The following DPYD variants were observed in gnomAD, a reference collection of about 807,000 sequenced individuals.
DPYD encodes the protein dihydropyrimidine dehydrogenase, also known as dihydropyrimidine dehydrogenase [NADP(+)].
Under a neutral mutation model 116.2 loss-of-function variants are expected in DPYD, and 109 were observed. The ratio of observed to expected loss-of-function variants is 0.94; its 90% CI spans 0.80 to 1.10. The LOEUF (loss-of-function observed/expected upper bound fraction) is 1.10. Among genes scored for constraint, DPYD ranks in the 50% least tolerant of loss-of-function variants. The probability of loss-of-function intolerance (pLI) is 0.00; values close to 1 mark genes in which losing one functional copy is unlikely to be tolerated. For missense variants in DPYD, 1,302 were observed against 1,254.5 expected (o/e 1.04, Z -0.57); for synonymous variants, 440 against 432.0 (o/e 1.02, Z -0.23).
intron 13 of DPYD, among the ~76,000 whole-genome samples, chr1:97,508,534 C>T (rs1478124863): frequency 6.6e-6 from 1 of 151,912 alleles, no homozygotes; most frequent in African/African-American, 2.4e-5. Flanking sequence ...TTTTATTTCT[C>T]AATAGAAAGA....
chr1:97,280,554 A>T (rs1398827993), intron 18 of DPYD, among the ~76,000 whole-genome samples: 1 of 152,242 alleles, frequency 6.6e-6, no homozygotes, highest in Admixed American at 6.5e-5. Context: ...AATACTATTC[A>T]GCCATAAAAC....
intron 20 of DPYD, among the ~76,000 whole-genome samples, chr1:97,187,533 T>C (rs1557922638): frequency 6.6e-6 from 1 of 152,168 alleles, no homozygotes; most frequent in Non-Finnish European, 1.5e-5. Flanking sequence ...AGGCCTTCTG[T>C]TATCTCGATT....
intron 20 of DPYD, among the ~76,000 whole-genome samples, chr1:97,157,203 A>G (rs1488954535): frequency 6.6e-6 from 1 of 151,864 alleles, no homozygotes; most frequent in East Asian, 1.9e-4. Context: ...CCAGCATGGC[A>G]CATGTATACA....
At chr1:97,125,130 G>C (rs1427417416) in intron 20 of DPYD, among the ~76,000 whole-genome samples, 1 of 152,212 alleles carries the variant, frequency 6.6e-6, no homozygotes, top group African/African-American at 2.4e-5. Context: ...CTTTTGGGAA[G>C]TTATCAGTGG....
chr1:97,184,916 A>G (rs1657891393), intron 20 of DPYD, among the ~76,000 whole-genome samples: 1 of 152,154 alleles, frequency 6.6e-6, no homozygotes, highest in African/African-American at 2.4e-5. Context: ...CTTCCAGTAC[A>G]ATATTGAATA....
At chr1:97,780,862 C>T (rs969000695) in intron 3 of DPYD, among the ~76,000 whole-genome samples, 1 of 152,112 alleles carries the variant, frequency 6.6e-6, no homozygotes, top group African/African-American at 2.4e-5. Context: ...ACTAAAGATG[C>T]TTGATACTAT....
intron 20 of DPYD, among the ~76,000 whole-genome samples, chr1:97,178,630 G>T (rs1657451530): frequency 6.6e-6 from 1 of 152,088 alleles, no homozygotes; most frequent in Non-Finnish European, 1.5e-5. Context: ...TTCAAGATGA[G>T]ATTTGGGTGG....
Position 97,385,280 on chromosome 1 carries a change from C to CAA in DPYD, c.1906-2821_1906-2820dup, listed in dbSNP as rs567156406. ...TACCTCTTGGTGTAGGCATTCCTTG[C>CAA]AAAAAAAAAAAAAAAAAAAAAAAAA... On this transcript the variant is annotated intron_variant, in intron 14 of 22. Coordinates refer to ENST00000370192, the MANE Select transcript of DPYD (RefSeq NM_000110.4). Among the ~76,000 whole-genome samples, 8 of 48,938 alleles carry CAA rather than the reference C, an allele frequency of 1.6e-4. 1 individual carries two copies. The highest frequency in any genetic ancestry group is 7.6e-4 in the African/African-American group (6 of 7,872). 32.1% of individuals were successfully genotyped at this position (48,938 alleles called of 152,430 possible).
intron 20 of DPYD, among the ~76,000 whole-genome samples, chr1:97,191,186 AT>A (rs1235061599): frequency 6.6e-6 from 1 of 152,032 alleles, no homozygotes; most frequent in African/African-American, 2.4e-5. Flanking sequence ...ATAATAAAAA[AT>A]ATAAACATAA....
Position 97,498,994 on chromosome 1 carries a change from C to A in DPYD, c.1740+16732G>T, listed in dbSNP as rs1023986735. On this transcript the variant is annotated intron_variant, in intron 13 of 22. Transcript: ENST00000370192. ...TCACTGATAGATCTACTTGGTATTT[C>A]TTTTATGTAAACCTTTATAACTTAT... Among the ~76,000 whole-genome samples, 3 of 151,454 alleles carry A rather than the reference C, an allele frequency of 2.0e-5. No individual in the cohort carries two copies. In the East Asian group the frequency reaches 5.8e-4, roughly 29 times the overall value.
chr1:97,549,311 G>T (rs370620100), intron 12 of DPYD, among the ~76,000 whole-genome samples: 1 of 151,986 alleles, frequency 6.6e-6, no homozygotes, highest in African/African-American at 2.4e-5. Context: ...GCATCCTCCC[G>T]CTTCAGCCTC....
At chr1:97,430,440 A>C (rs770763990) in intron 14 of DPYD, among the ~76,000 whole-genome samples, 22 of 152,186 alleles carry the variant, frequency 1.4e-4, no homozygotes. Context: ...CTTTAAAAAA[A>C]CAGAAACATT....
At chr1:97,322,804 A>T (rs1036637282) in intron 16 of DPYD, 2 of 151,966 alleles carry the variant, frequency 1.3e-5, no homozygotes, top group Non-Finnish European at 2.9e-5. Flanking sequence ...TGTTTTTGGT[A>T]AAGGAAGGGC....
At chr1:97,732,685 C>T (rs927811329) in intron 4 of DPYD, among the ~76,000 whole-genome samples, 3 of 151,948 alleles carry the variant, frequency 2.0e-5, no homozygotes, top group Non-Finnish European at 2.9e-5. Context: ...TAGTATTCCA[C>T]AATTTGCCAG....
At chr1:97,821,133 G>A (rs1571414098) in intron 3 of DPYD, among the ~76,000 whole-genome samples, 1 of 151,742 alleles carries the variant, frequency 6.6e-6, no homozygotes, top group Non-Finnish European at 1.5e-5. Context: ...GAGTTCGAGA[G>A]CAGCCTTACC....
chr1:97,886,605 T>C (rs978168570), intron 1 of DPYD, among the ~76,000 whole-genome samples: 3 of 152,010 alleles, frequency 2.0e-5, no homozygotes, highest in Admixed American at 2.0e-4. Flanking sequence ...CCATTGTCAC[T>C]ATCCTCAGCT....
intron 10 of DPYD, among the ~76,000 whole-genome samples, chr1:97,574,806 A>T (rs990616694): frequency 5.3e-5 from 8 of 152,168 alleles, no homozygotes; most frequent in Non-Finnish European, 1.0e-4. Flanking sequence ...AAAATGTCCT[A>T]CTGAAGTGTT....
At chr1:97,775,375 TC>T (rs1009654007) in intron 3 of DPYD, among the ~76,000 whole-genome samples, 3 of 151,996 alleles carry the variant, frequency 2.0e-5, no homozygotes, top group African/African-American at 4.8e-5. Context: ...CACCTAAATT[TC>T]CCCCCCTGCT....
chr1:97,305,650 A>G (rs1311925094), intron 17 of DPYD, among the ~76,000 whole-genome samples: 1 of 151,950 alleles, frequency 6.6e-6, no homozygotes, highest in Non-Finnish European at 1.5e-5. Flanking sequence ...CAGGTAATTT[A>G]CAATGTCTTT....
Sources: allele counts gnomAD v4.1 joint callset (sites outside exome capture counted in the v4.1 genomes callset), GRCh38; gene constraint gnomAD v4.1.1; transcripts MANE v1.5; gene names NCBI Gene and HGNC (gene_info 2026-07-23, HGNC 2026-07-21).